KRT10: variants seen among roughly 807,000 people sequenced by gnomAD.
KRT10 encodes the protein keratin, type I cytoskeletal 10.
Under a neutral mutation model 59.2 loss-of-function variants are expected in KRT10, and 40 were observed. That is an observed-to-expected ratio of 0.68 (90% CI 0.52 to 0.88). The LOEUF (loss-of-function observed/expected upper bound fraction) is 0.88, where lower values mean the gene tolerates loss of function less well. Ranked by LOEUF, KRT10 falls within the 40% of genes least tolerant of loss-of-function variation. KRT10 has a pLI of 0.00. For synonymous variants in KRT10, 336 were observed against 310.7 expected (o/e 1.08, Z -0.86); for missense variants, 719 against 749.1 (o/e 0.96, Z 0.47).
rs1273680838 is a variant in KRT10, at chr17:40,818,212, G to A, written c.*264C>T. Reference sequence around the variant, plus strand: ...ATTAAAGAACACTTTCTGGTAAAGTGAAAAGAAGAAATACAGAAACCACAA... The same window carrying A: ...ATTAAAGAACACTTTCTGGTAAAGTAAAAAGAAGAAATACAGAAACCACAA... On this transcript the variant is annotated 3_prime_UTR_variant, in exon 8 of 8. Transcript: ENST00000269576. 2.2e-6 allele frequency: 1 copy of A among 461,026 alleles called. No individual in the cohort carries two copies. Among genetic ancestry groups the A allele is most frequent in the Non-Finnish European group, 3.9e-6 (1 of 259,170 alleles). 28.6% of individuals were successfully genotyped at this position (461,026 alleles called of 1,614,324 possible).
chr17:40,822,510 C>G lies in KRT10; in HGVS notation c.76G>C (p.Gly26Arg). 6.2e-7 allele frequency: 1 copy of G among 1,612,044 alleles called. No homozygotes were observed. The highest frequency in any genetic ancestry group is 8.5e-7 in the Non-Finnish European group (1 of 1,179,840). ...AGGGATGACACTCCTCCTCCTCCTC[C>G]ACATCCTCCTCCTCCTCCTCCTCCT... is the stretch of plus-strand genomic sequence containing the variant. ...SGGGGGGGGCGGGGGVSSLRI... is the reference protein window; with the variant it reads ...SGGGGGGGGCRGGGGVSSLRI... Residue 26 changes from glycine to arginine, a missense_variant, in exon 1 of 8, where the codon GGA becomes CGA. Gly to Arg is a moderately radical substitution (Grantham distance 125). This residue lies in a region of KRT10 where 176 missense variants were observed against 175.7 expected (regional missense o/e 1.00). Coordinates refer to ENST00000269576, the MANE Select transcript of KRT10 (RefSeq NM_000421.5).
chr17:40,819,124 C>T lies in KRT10; in HGVS notation c.1411G>A (p.Gly471Ser). ...GGGRGGGSFG[G>S]GYGGGSSGGG... ...CCGGAGCTTCCGCCGCCGTAGCCGCCGCCGAAACTTCCGCCGCCGCGTCCG... is the reference window on the plus strand; with the variant it reads ...CCGGAGCTTCCGCCGCCGTAGCCGCTGCCGAAACTTCCGCCGCCGCGTCCG... Residue 471 changes from glycine (G) to serine (S), a missense_variant, in exon 7 of 8, where the codon GGC becomes AGC. Physicochemically the swap from Gly to Ser is moderately conservative, Grantham distance 56. This residue lies in a region of KRT10 where 315 missense variants were observed against 270.6 expected (regional missense o/e 1.16). Transcript: ENST00000269576. The T allele has an allele frequency of 1.3e-6, 2 of 1,529,420 alleles. No individual in the cohort carries two copies. The highest frequency in any genetic ancestry group is 1.7e-6 in the Non-Finnish European group (2 of 1,147,974). 94.7% of individuals were successfully genotyped at this position (1,529,420 alleles called of 1,614,324 possible).
intron 4 of KRT10, 38 bp downstream of exon 4, chr17:40,820,224 A>G (rs1402676722): frequency 6.2e-7 from 1 of 1,614,202 alleles, no homozygotes; most frequent in Admixed American, 1.7e-5. Flanking sequence ...GAAATGATAA[A>G]ACCTCCATGA....
rs750064098 is a variant in KRT10 at position 40,822,204 on chromosome 17, C to T, written c.382G>A (p.Gly128Arg). The change falls in exon 1 of 8, where the codon GGA becomes AGA. Residue 128 changes from glycine (G) to arginine (R), a missense_variant. Physicochemically the swap from Gly to Arg is moderately radical, Grantham distance 125. This residue lies in a region of KRT10 where 176 missense variants were observed against 175.7 expected (regional missense o/e 1.00). Transcript: ENST00000269576. ...CCAAATCCACCACCAAAGCCTCCTC[C>T]AAAGCCGCCTCCACCAAAGCCGCCT... ...GGGGFGGGGF[G>R]GGFGGGFGGD... 13 of 1,613,284 alleles carry T rather than the reference C, an allele frequency of 8.1e-6. No individual in the cohort carries two copies. In the South Asian group the frequency reaches 1.4e-4, roughly 18 times the overall value.
In KRT10 at chr17:40,819,292, A is replaced by G. The variant is rs776818010; in HGVS notation, c.1374-131T>C. The G allele has an allele frequency of 2.6e-5, 40 of 1,516,628 alleles. No homozygotes were observed. The Middle Eastern group carries it at 6.8e-4, about 26-fold the overall frequency. 93.9% of individuals were successfully genotyped at this position (1,516,628 alleles called of 1,614,324 possible). A position where few individuals can be genotyped will look rare whatever the true frequency, so the allele number is the denominator to read the frequency against. ...AAAACCCTGCCAGGTATATATTTTA[A>G]AACCCATCCTTTGAAAACAATGTTA... On this transcript the variant is annotated intron_variant, in intron 6 of 7. Transcript: ENST00000269576.
In KRT10 at chr17:40,818,915, G is replaced by A. The variant is rs1314599530; in HGVS notation, c.1620C>T (p.Gly540=). 12 of 1,394,522 alleles carry A rather than the reference G, an allele frequency of 8.6e-6. No individual in the cohort carries two copies. The highest frequency in any genetic ancestry group is 2.0e-4 in the Middle Eastern group (1 of 5,068). The allele number at this position is 1,394,522 out of a possible 1,614,324, so 86.4% of individuals were successfully genotyped here. A position where few individuals can be genotyped will look rare whatever the true frequency, so the allele number is the denominator to read the frequency against. ...YGGGSSGGGG[G]GYGGGSSGGG... ...CGCCGGAGCTGCCGCCCCCGTAGCC[G>A]CCGCCGCCGCCGCCGGAACTGCCAC... Residue 540 remains glycine (G), a synonymous_variant, in exon 7 of 8, where the codon GGC becomes GGT. Coordinates refer to ENST00000269576, the MANE Select transcript of KRT10 (RefSeq NM_000421.5).
Position 40,818,807 on chromosome 17 carries a change from C to G in KRT10, c.1728G>C (p.Glu576Asp). The G allele has an allele frequency of 6.6e-7, 1 of 1,520,532 alleles. No individual in the cohort carries two copies. The highest frequency in any genetic ancestry group is 8.7e-7 in the Non-Finnish European group (1 of 1,143,832). 94.2% of individuals were successfully genotyped at this position (1,520,532 alleles called of 1,614,324 possible). ...CTGACCTTGGTCCCTTAGATGAAGA[C>G]TCGCCCACGGACCCGGAAGAGGAGG... ...HKSSSSGSVG[E>D]SSSKGPRY Residue 576 changes from glutamate to aspartate, a missense_variant, in exon 7 of 8, where the codon GAG becomes GAC. By Grantham distance (45) the Glu-to-Asp change is conservative. Coordinates refer to ENST00000269576, the MANE Select transcript of KRT10 (RefSeq NM_000421.5).
In KRT10 at chr17:40,822,274, C is replaced by T. The variant is rs141830953; in HGVS notation, c.312G>A (p.Gly104=). 1,577 of 1,599,452 alleles carry T rather than the reference C, an allele frequency of 9.9e-4. 14 individuals are homozygous for T. In the Middle Eastern group the frequency reaches 0.016, roughly 16 times the overall value. Reference sequence around the variant, plus strand: ...CAAAGCTGCCACCTCCGAAACTGCCCCCTCCAAAGATGCCTCCATAACTCC... The same window carrying T: ...CAAAGCTGCCACCTCCGAAACTGCCTCCTCCAAAGATGCCTCCATAACTCC... ...FGGSYGGIFG[G]GSFGGGSFGG... The change falls in exon 1 of 8, where the codon GGG becomes GGA. Residue 104 remains glycine, a synonymous_variant. Coordinates refer to ENST00000269576, the MANE Select transcript of KRT10 (RefSeq NM_000421.5).
In KRT10 at chr17:40,822,072, A is replaced by G. The variant is rs376239738; in HGVS notation, c.514T>C (p.Tyr172His). The change falls in exon 1 of 8, where the codon TAT becomes CAT. Residue 172 changes from tyrosine to histidine, a missense_variant. Tyr to His is a moderately conservative substitution (Grantham distance 83). Transcript: ENST00000269576. ...DKVRALEESN[Y>H]ELEGKIKEWY... ...TCCTTGATTTTGCCTTCCAGCTCATAGTTTGATTCTTCCAGAGCCCGAACT... is the reference window on the plus strand; with the variant it reads ...TCCTTGATTTTGCCTTCCAGCTCATGGTTTGATTCTTCCAGAGCCCGAACT... 4.3e-6 allele frequency: 7 copies of G among 1,613,928 alleles called. No homozygotes were observed. The African/African-American group carries it at 8.0e-5, about 18-fold the overall frequency.
At chr17:40,820,930 G>T in intron 2 of KRT10, 105 bp downstream of exon 2, 1 of 1,011,438 alleles carries the variant, frequency 9.9e-7, no homozygotes, top group Non-Finnish European at 1.5e-6. Flanking sequence ...TTAACTTTGG[G>T]TGAATTCAGA....
In KRT10 at chr17:40,822,329, C is replaced by G; in HGVS notation, c.257G>C (p.Arg86Pro). Reference sequence around the variant, plus strand: ...AAAGCTGCTACTTCCATAGCTTCCACGAAAGCTACCTCCACCAAAACCTCC... The same window carrying G: ...AAAGCTGCTACTTCCATAGCTTCCAGGAAAGCTACCTCCACCAAAACCTCC... Reference protein sequence around the residue: ...GLGGFGGGSFRGSYGSSSFGG... With the variant: ...GLGGFGGGSFPGSYGSSSFGG... The change falls in exon 1 of 8, where the codon CGT (arginine) becomes CCT (proline). Residue 86 changes from arginine to proline, a missense_variant. Physicochemically the swap from Arg to Pro is moderately radical, Grantham distance 103 (BLOSUM62 -2). Around this residue, in one of 4 missense-constraint regions of KRT10, gnomAD observed 176 missense variants for 175.7 expected, o/e 1.00. Transcript: ENST00000269576. The G allele has an allele frequency of 6.3e-7, 1 of 1,596,112 alleles. No individual in the cohort carries two copies. Among genetic ancestry groups the G allele is most frequent in the Non-Finnish European group, 8.5e-7 (1 of 1,170,316 alleles).
At position 40,821,960 on chromosome 17, in the gene KRT10, T is replaced by C. The variant is rs745725994; in HGVS notation, c.626A>G (p.Gln209Arg). The C allele has an allele frequency of 6.2e-7, 1 of 1,613,992 alleles. No homozygotes were observed. Among genetic ancestry groups the C allele is most frequent in the African/African-American group, 1.3e-5 (1 of 75,042 alleles). ...YYKTIDDLKN[Q>R]ILNLTTDNAN... ...GCTGGATTTAAAAATACCTCTTACCTGATTTTTAAGGTCATCGATGGTTTT... is the reference window on the plus strand; with the variant it reads ...GCTGGATTTAAAAATACCTCTTACCCGATTTTTAAGGTCATCGATGGTTTT... Residue 209 changes from glutamine to arginine, a missense_variant and splice_region_variant, in exon 1 of 8, where the codon CAG becomes CGG. Transcript: ENST00000269576.
In KRT10 at chr17:40,822,515, C is replaced by T. The variant is rs556262610; in HGVS notation, c.71G>A (p.Gly24Glu). Residue 24 changes from glycine to glutamate, a missense_variant, in exon 1 of 8, where the codon GGA (glycine) becomes GAA (glutamate). Gly to Glu is a moderately conservative substitution (Grantham distance 98, BLOSUM62 -2). Transcript: ENST00000269576. ...SRSGGGGGGG[G>E]CGGGGGVSSL... ...TGACACTCCTCCTCCTCCTCCACATCCTCCTCCTCCTCCTCCTCCTCCACT... is the reference window on the plus strand; with the variant it reads ...TGACACTCCTCCTCCTCCTCCACATTCTCCTCCTCCTCCTCCTCCTCCACT... The T allele has an allele frequency of 1.5e-4, 165 of 1,127,218 alleles. No individual in the cohort carries two copies. In the Middle Eastern group the frequency reaches 4.0e-3, roughly 28 times the overall value. The allele number at this position is 1,127,218 out of a possible 1,614,324, so 69.8% of individuals were successfully genotyped here.
At position 40,820,553 on chromosome 17, in the gene KRT10, G is replaced by A; in HGVS notation, c.825C>T (p.Ser275=). Residue 275 remains serine (S), a synonymous_variant, in exon 3 of 8, where the codon AGC becomes AGT. Coordinates refer to ENST00000269576, the MANE Select transcript of KRT10 (RefSeq NM_000421.5). ...TKADLEMQIE[S]LTEELAYLKK... ...TCAGATAGGCCAGCTCTTCAGTCAG[G>A]CTCTCAATTTGCATCTCCAGGTCAG... The A allele has an allele frequency of 1.2e-6, 2 of 1,614,178 alleles. No individual in the cohort carries two copies. The highest frequency in any genetic ancestry group is 1.7e-6 in the Non-Finnish European group (2 of 1,180,032).
intron 2 of KRT10, 98 bp from the exon 3 acceptor site, chr17:40,820,765 G>A (rs1905337895): frequency 7.7e-7 from 1 of 1,301,458 alleles, no homozygotes; most frequent in African/African-American, 1.5e-5. Flanking sequence ...TTGATCTCAT[G>A]TAATGGCAAT....
intron 1 of KRT10, among the ~76,000 whole-genome samples, 182 bp downstream of exon 1, chr17:40,821,777 G>A (rs540168116): frequency 2.2e-4 from 33 of 152,232 alleles, no homozygotes; most frequent in Admixed American, 2.0e-3. Context: ...ACACTTGCTG[G>A]ATGAAGATTG....
chr17:40,821,023 C>A lies in KRT10; in HGVS notation c.710+12G>T. 1 of 1,595,636 alleles carries A rather than the reference C, an allele frequency of 6.3e-7. No individual in the cohort carries two copies. The highest frequency in any genetic ancestry group is 1.1e-5 in the South Asian group (1 of 90,592). ...CGTTGTGATAGTATTATACAACGAT[C>A]ACTTAACTTACTTCAGCCTGAAGTC... is the stretch of plus-strand genomic sequence containing the variant. On this transcript the variant is annotated intron_variant, in intron 2 of 7. Coordinates refer to ENST00000269576, the MANE Select transcript of KRT10 (RefSeq NM_000421.5).
intron 5 of KRT10, 131 bp from the exon 6 acceptor site, chr17:40,819,865 C>T (rs1422792851): frequency 2.7e-6 from 3 of 1,094,488 alleles, no homozygotes; most frequent in Non-Finnish European, 4.1e-6. Flanking sequence ...TGTTTAATGG[C>T]ACCATTTCAG....
In KRT10 at chr17:40,822,179, C is replaced by T; in HGVS notation, c.407G>A (p.Gly136Glu). Reference sequence around the variant, plus strand: ...TCCAGAGAGAAGGCCACCATCTCCTCCAAATCCACCACCAAAGCCTCCTCC... The same window carrying T: ...TCCAGAGAGAAGGCCACCATCTCCTTCAAATCCACCACCAAAGCCTCCTCC... ...GFGGGFGGGF[G>E]GDGGLLSGNE... is the part of the protein sequence containing the mutation. Residue 136 changes from glycine to glutamate, a missense_variant, in exon 1 of 8, where the codon GGA becomes GAA. Gly to Glu is a moderately conservative substitution (Grantham distance 98). Around this residue, in one of 4 missense-constraint regions of KRT10, gnomAD observed 176 missense variants for 175.7 expected, o/e 1.00. Transcript: ENST00000269576. The T allele has an allele frequency of 6.2e-7, 1 of 1,613,926 alleles. No homozygotes were observed. The highest frequency in any genetic ancestry group is 8.5e-7 in the Non-Finnish European group (1 of 1,179,918).
Sources: gnomAD v4.1 joint callset for allele counts (sites outside exome capture counted in the v4.1 genomes callset) on GRCh38, gnomAD v4.1.1 for gene constraint, gnomAD v4.1.1 regional missense constraint, MANE v1.5 for transcripts, NCBI Gene and HGNC (gene_info 2026-07-23, HGNC 2026-07-21) for gene names.